Variants in FRMD4A observed in about 807,000 individuals in gnomAD.
FRMD4A encodes FERM domain-containing protein 4A.
In FRMD4A, 29 loss-of-function variants were observed where a neutral mutation model predicts 129.1. The ratio of observed to expected loss-of-function variants is 0.22; its 90% CI spans 0.17 to 0.31. The LOEUF (loss-of-function observed/expected upper bound fraction) is 0.31. FRMD4A is among the 10% of genes least tolerant of loss of function. The probability of loss-of-function intolerance (pLI) is 1.00; values close to 1 mark genes in which losing one functional copy is unlikely to be tolerated. For synonymous variants in FRMD4A, 634 were observed against 571.6 expected, an observed-to-expected ratio of 1.11 and a Z score of -1.56; for missense variants, 1,272 against 1,375.8, an observed-to-expected ratio of 0.92 and a Z score of 1.19.
At chr10:14,068,549 G>C (rs971786788) in intron 2 of FRMD4A, among the ~76,000 whole-genome samples, 2 of 152,132 alleles carry the variant, frequency 1.3e-5, no homozygotes, top group African/African-American at 2.4e-5. Flanking sequence ...GTTGTACTTG[G>C]AGTTCTTAGC....
chr10:13,938,747 G>A (rs1271964509), intron 2 of FRMD4A, among the ~76,000 whole-genome samples: 2 of 152,216 alleles, frequency 1.3e-5, no homozygotes, highest in African/African-American at 4.8e-5. Flanking sequence ...CAGGAGATAT[G>A]TTTGATTGTC....
At chr10:13,704,372 T>C (rs2087189226) in intron 13 of FRMD4A, among the ~76,000 whole-genome samples, 1 of 152,212 alleles carries the variant, frequency 6.6e-6, no homozygotes, top group East Asian at 1.9e-4. Flanking sequence ...AGAGCGAGTT[T>C]GCCTGGGACG....
At chr10:13,854,712 G>C (rs2094190377) in intron 3 of FRMD4A, among the ~76,000 whole-genome samples, 1 of 151,874 alleles carries the variant, frequency 6.6e-6, no homozygotes, top group East Asian at 1.9e-4. Flanking sequence ...GATTACAGGT[G>C]TAAGCCACTG....
At chr10:13,778,833 A>G (rs1294965929) in intron 6 of FRMD4A, among the ~76,000 whole-genome samples, 1 of 152,150 alleles carries the variant, frequency 6.6e-6, no homozygotes, top group Non-Finnish European at 1.5e-5. Flanking sequence ...ATTCACTGGG[A>G]AAACAGGGAT....
chr10:13,938,402 T>C (rs1015149625), intron 2 of FRMD4A, among the ~76,000 whole-genome samples: 16 of 152,062 alleles, frequency 1.1e-4, no homozygotes, highest in Non-Finnish European at 1.9e-4. Flanking sequence ...CCAACATGCC[T>C]GGCTAATTTT....
intron 2 of FRMD4A, among the ~76,000 whole-genome samples, chr10:14,185,604 GAGAC>G (rs964549371): frequency 9.9e-5 from 14 of 141,950 alleles, no homozygotes; most frequent in African/African-American, 3.3e-4. Flanking sequence ...AACAGGTAGA[GAGAC>G]AGAAAGGGGA....
At chr10:14,323,020 T>A (rs897808731) in intron 2 of FRMD4A, among the ~76,000 whole-genome samples, 1 of 152,152 alleles carries the variant, frequency 6.6e-6, no homozygotes, top group Non-Finnish European at 1.5e-5. Context: ...GGTAAGAAAA[T>A]TTTGTGAGTT....
rs188773093 is a variant in FRMD4A at position 14,218,920 on chromosome 10, A to G, written c.45+111138T>C. ...CAGTGAGCCGAGATTGCACCACTGCACTCCAGCCTGGGCAACAAGAGTGAG... is the reference window on the plus strand; with the variant it reads ...CAGTGAGCCGAGATTGCACCACTGCGCTCCAGCCTGGGCAACAAGAGTGAG... On this transcript the variant is annotated intron_variant, in intron 2 of 24. Transcript: ENST00000357447. Among the ~76,000 whole-genome samples, 48 of 121,130 alleles carry G rather than the reference A, an allele frequency of 4.0e-4. No individual in the cohort carries two copies. In the East Asian group the frequency reaches 0.012, roughly 30 times the overall value. The allele number at this position is 121,130 out of a possible 152,430, so 79.5% of individuals were successfully genotyped here.
At chr10:14,154,140 G>A (rs1285757466) in intron 2 of FRMD4A, among the ~76,000 whole-genome samples, 2 of 152,280 alleles carry the variant, frequency 1.3e-5, no homozygotes, top group Non-Finnish European at 1.5e-5. Context: ...AGGCAGGGAG[G>A]TTCTGTCTTT....
At chr10:14,099,644 G>C (rs967808129) in intron 2 of FRMD4A, among the ~76,000 whole-genome samples, 2 of 152,222 alleles carry the variant, frequency 1.3e-5, no homozygotes, top group Non-Finnish European at 2.9e-5. Flanking sequence ...AAGTGGACCT[G>C]TGTAGTTCAA....
At chr10:14,184,912 A>C (rs894190925) in intron 2 of FRMD4A, among the ~76,000 whole-genome samples, 1 of 152,200 alleles carries the variant, frequency 6.6e-6, no homozygotes, top group African/African-American at 2.4e-5. Context: ...AGCACAAACA[A>C]ACGCGACCGC....
chr10:13,951,432 A>C (rs553704840), intron 2 of FRMD4A, among the ~76,000 whole-genome samples: 1 of 152,240 alleles, frequency 6.6e-6, no homozygotes, highest in South Asian at 2.1e-4. Flanking sequence ...AAAACTACAG[A>C]GGGAGATATT....
At chr10:14,194,628 C>A (rs976422454) in intron 2 of FRMD4A, among the ~76,000 whole-genome samples, 5 of 152,090 alleles carry the variant, frequency 3.3e-5, no homozygotes, top group South Asian at 4.1e-4. Context: ...ACAACAACAA[C>A]AAAAAACCAA....
chr10:13,722,797 A>T (rs984266980), intron 12 of FRMD4A, among the ~76,000 whole-genome samples: 13 of 152,118 alleles, frequency 8.5e-5, no homozygotes, highest in African/African-American at 3.1e-4. Context: ...GGTTAGATAG[A>T]TCTCCATGCT....
At chr10:14,121,702 C>A (rs183490617) in intron 2 of FRMD4A, among the ~76,000 whole-genome samples, 3 of 152,302 alleles carry the variant, frequency 2.0e-5, no homozygotes. Flanking sequence ...TGAAAACCTG[C>A]ATCTCTCACA....
At chr10:14,246,085 C>G (rs1464336618) in intron 2 of FRMD4A, among the ~76,000 whole-genome samples, 1 of 152,178 alleles carries the variant, frequency 6.6e-6, no homozygotes, top group Non-Finnish European at 1.5e-5. Context: ...AGGGGCTCCT[C>G]AGATGCTCCC....
At chr10:14,062,401 G>A (rs984747770) in intron 2 of FRMD4A, among the ~76,000 whole-genome samples, 4 of 152,184 alleles carry the variant, frequency 2.6e-5, no homozygotes, top group South Asian at 2.1e-4. Context: ...AGCCATGGAC[G>A]TGTAGAAAGG....
rs536328427 is a variant in FRMD4A at position 14,037,954 on chromosome 10, C to T, written c.46-179042G>A. On this transcript the variant is annotated intron_variant, in intron 2 of 24. Coordinates refer to ENST00000357447, the MANE Select transcript of FRMD4A (RefSeq NM_018027.5). ...AATGGATCCAGTTTTGTCTCATAAA[C>T]ATCCCAATAATGGACACAAGCTAAT... 2.9e-3 allele frequency among the ~76,000 whole-genome samples: 444 copies of T among 152,310 alleles called. 1 individual carries two copies. Among genetic ancestry groups the T allele is most frequent in the African/African-American group, 9.6e-3 (400 of 41,558 alleles).
chr10:13,799,929 C>T (rs1394345616), intron 4 of FRMD4A, among the ~76,000 whole-genome samples: 3 of 152,014 alleles, frequency 2.0e-5, no homozygotes, highest in African/African-American at 7.3e-5. Flanking sequence ...CCTGAAATCC[C>T]AGCACTTTGG....
Sources: allele counts gnomAD v4.1 joint callset (sites outside exome capture counted in the v4.1 genomes callset), GRCh38; gene constraint gnomAD v4.1.1; transcripts MANE v1.5; gene names NCBI Gene and HGNC (gene_info 2026-07-23, HGNC 2026-07-21).